The following MYH13 variants were observed in gnomAD, a reference collection of about 807,000 sequenced individuals.
MYH13 encodes myosin heavy chain 13, also known as myosin-13.
A neutral mutation model predicts 232.1 loss-of-function variants in MYH13; 177 were observed. That is an observed-to-expected ratio of 0.76 (90% CI 0.67 to 0.86). The LOEUF (loss-of-function observed/expected upper bound fraction) is 0.86. MYH13 is among the 40% of genes least tolerant of loss of function. The pLI, the probability that MYH13 is intolerant of heterozygous loss-of-function variation, is 0.00. For synonymous variants in MYH13, 884 were observed against 923.5 expected, an observed-to-expected ratio of 0.96 and a Z score of 0.78; for missense variants, 2,246 against 2,405.9, an observed-to-expected ratio of 0.93 and a Z score of 1.39.
intron 13 of MYH13, among the ~76,000 whole-genome samples, chr17:10,346,007 A>C (rs867857951): frequency 7.0e-6 from 1 of 142,346 alleles, no homozygotes; most frequent in Admixed American, 7.1e-5. Context: ...AAAAAAAAAA[A>C]AAAAAACAAA....
chr17:10,300,908 A>G lies in MYH13; in HGVS notation c.*43T>C. 6.3e-7 allele frequency: 1 copy of G among 1,594,564 alleles called. No individual in the cohort carries two copies. The highest frequency in any genetic ancestry group is 8.5e-7 in the Non-Finnish European group (1 of 1,169,790). On this transcript the variant is annotated 3_prime_UTR_variant, in exon 41 of 41. Transcript: ENST00000252172. Reference sequence around the variant, plus strand: ...TTTATTTCTCACACATTTTCCCTCCACTCTCTCGGAGGTGTCCCATGGCAA... The same window carrying G: ...TTTATTTCTCACACATTTTCCCTCCGCTCTCTCGGAGGTGTCCCATGGCAA...
chr17:10,359,202 A>G lies in MYH13; in HGVS notation c.645+758T>C, dbSNP rs180957069. Among the ~76,000 whole-genome samples the G allele has an allele frequency of 9.1e-4, 138 of 152,348 alleles. 1 individual carries two copies. Among genetic ancestry groups the G allele is most frequent in the African/African-American group, 2.9e-3 (120 of 41,588 alleles). ...ATGGGGGCTGGCTGCCAGGGAACCA[A>G]CCGCGTGATTAGAGAGTTGGAACTT... On this transcript the variant is annotated intron_variant, in intron 7 of 40. Coordinates refer to ENST00000252172, the MANE Select transcript of MYH13 (RefSeq NM_003802.3).
chr17:10,325,024 G>C (rs1475178722), intron 22 of MYH13: 1 of 151,542 alleles, frequency 6.6e-6, no homozygotes, highest in Non-Finnish European at 1.5e-5. Flanking sequence ...GGGCCTCCAT[G>C]TGTTTCCCAG....
chr17:10,335,472 GC>G (rs554329967), intron 18 of MYH13, among the ~76,000 whole-genome samples: 117 of 152,298 alleles, frequency 7.7e-4, no homozygotes, highest in Non-Finnish European at 1.4e-3. Flanking sequence ...ATGAGTACAG[GC>G]CCGGTGCGAT....
At position 10,315,577 on chromosome 17, in the gene MYH13, A is replaced by C. The variant is rs1906674614; in HGVS notation, c.3984+116T>G. On this transcript the variant is annotated intron_variant, in intron 29 of 40. Coordinates refer to ENST00000252172, the MANE Select transcript of MYH13 (RefSeq NM_003802.3). ...CCAAAGTGCTGGGATTACAGGTGTG[A>C]GTCACCGTGCCCAGCTGCAGCAGAT... The C allele has an allele frequency of 1.5e-5, 13 of 879,456 alleles. No individual in the cohort carries two copies. In the East Asian group the frequency reaches 3.2e-4, roughly 22 times the overall value. The allele number at this position is 879,456 out of a possible 1,614,324, so 54.5% of individuals were successfully genotyped here.
intron 12 of MYH13, 62 bp from the exon 13 acceptor site, chr17:10,346,860 C>A (rs2071670847): frequency 9.9e-6 from 12 of 1,210,860 alleles, no homozygotes; most frequent in Non-Finnish European, 1.5e-5. Flanking sequence ...GTCCAGTCAG[C>A]CCCTGGCTTC....
chr17:10,320,715 C>T (rs1906910073), intron 24 of MYH13, among the ~76,000 whole-genome samples: 2 of 152,168 alleles, frequency 1.3e-5, no homozygotes, highest in South Asian at 4.1e-4. Flanking sequence ...CCCTCAGGGG[C>T]CTCCTGGTGC....
At chr17:10,324,926 T>C (rs912738905) in intron 22 of MYH13, 2 of 152,506 alleles carry the variant, frequency 1.3e-5, no homozygotes, top group African/African-American at 2.4e-5. Context: ...TGTGCTCAAG[T>C]GATCCTCCCA....
Position 10,307,055 on chromosome 17 carries a change from G to A in MYH13, c.5179C>T (p.Leu1727=), listed in dbSNP as rs973604088. The change falls in exon 36 of 41, where the codon CTG becomes TTG. Residue 1727 remains leucine (L), a synonymous_variant. Transcript: ENST00000252172. The part of the protein sequence containing the change: ...VQLLHSQNTS[L]INTKKKLEAD... The stretch of plus-strand genomic sequence containing the variant: ...TCCAGTTTTTTCTTGGTATTTATCA[G>A]GCTTGTGTTCTACAAGAAGAATTAG... 1.2e-6 allele frequency: 2 copies of A among 1,613,822 alleles called. No individual in the cohort carries two copies. Among genetic ancestry groups the A allele is most frequent in the Admixed American group, 3.3e-5 (2 of 59,992 alleles).
At chr17:10,303,137 C>A (rs1363982511) in intron 39 of MYH13, 59 bp downstream of exon 39, 17 of 1,497,190 alleles carry the variant, frequency 1.1e-5, no homozygotes, top group Non-Finnish European at 1.6e-5. Flanking sequence ...GGCGGGGACA[C>A]CCAGGATGCC....
At chr17:10,327,821 TC>T in intron 22 of MYH13, 44 bp downstream of exon 22, 10 of 1,586,410 alleles carry the variant, frequency 6.3e-6, no homozygotes, top group Non-Finnish European at 8.5e-6. Flanking sequence ...CCCTTTTCTG[TC>T]CTCCAGAGTC....
At chr17:10,340,107 T>C in intron 18 of MYH13, 43 bp downstream of exon 18, 2 of 1,551,660 alleles carry the variant, frequency 1.3e-6, no homozygotes, top group African/African-American at 1.4e-5. Flanking sequence ...TCTCAGGGCG[T>C]CCTGTTCTGT....
chr17:10,317,353 G>C (rs73283687), intron 27 of MYH13: 23,686 of 152,750 alleles, frequency 0.16, 2,053 homozygotes, highest in East Asian at 0.32. Context: ...TCATCAGCCG[G>C]AGCCAGAGGC....
chr17:10,308,128 A>G (rs1023313161), intron 35 of MYH13, among the ~76,000 whole-genome samples: 19 of 152,022 alleles, frequency 1.2e-4, no homozygotes, highest in Non-Finnish European at 2.6e-4. Context: ...AGATCGAGAC[A>G]ATCCTGGCCA....
chr17:10,364,756 T>G (rs1248347390), intron 2 of MYH13, among the ~76,000 whole-genome samples: 1 of 101,050 alleles, frequency 9.9e-6, no homozygotes, highest in Non-Finnish European at 2.5e-5. Context: ...AGTATGAAGG[T>G]TTTTTTTTTT....
chr17:10,307,733 TA>T, intron 35 of MYH13, among the ~76,000 whole-genome samples: 1 of 152,190 alleles, frequency 6.6e-6, no homozygotes, highest in Non-Finnish European at 1.5e-5. Context: ...CCAGTGGAAA[TA>T]AAAATTGGGA....
rs999798065 is a variant in MYH13, at chr17:10,324,243, C to T, written c.2713G>A (p.Ala905Thr). The T allele has an allele frequency of 1.9e-6, 3 of 1,613,652 alleles. No individual in the cohort carries two copies. Among genetic ancestry groups the T allele is most frequent in the Non-Finnish European group, 2.5e-6 (3 of 1,179,842 alleles). Residue 905 changes from alanine to threonine, a missense_variant, in exon 23 of 41, where the codon GCT becomes ACT. By Grantham distance (58) the Ala-to-Thr change is moderately conservative. Coordinates refer to ENST00000252172, the MANE Select transcript of MYH13 (RefSeq NM_003802.3). ...VQSETENLMD[A>T]EERCEGLIKS... ...ATGAGTCCTTCACACCGTTCCTCAG[C>T]GTCCATCAGATTTTCTGTTTCCTGA... is the stretch of plus-strand genomic sequence containing the variant.
intron 23 of MYH13, among the ~76,000 whole-genome samples, chr17:10,322,551 A>G (rs574963523): frequency 1.3e-5 from 2 of 152,250 alleles, no homozygotes; most frequent in African/African-American, 4.8e-5. Flanking sequence ...GCTAACTCCT[A>G]ATCTATGGGC....
At position 10,306,102 on chromosome 17, in the gene MYH13, T is replaced by C. The variant is rs1906271230; in HGVS notation, c.5466+357A>G. 6.6e-6 allele frequency among the ~76,000 whole-genome samples: 1 copy of C among 152,208 alleles called. No individual in the cohort carries two copies. On this transcript the variant is annotated intron_variant, in intron 37 of 40. Coordinates refer to ENST00000252172, the MANE Select transcript of MYH13 (RefSeq NM_003802.3). This position sits in a 1 kb window ranked among gnomAD's most constrained non-coding sequence, Gnocchi z 4.3. ...TGAGTAATTTTATGACTGTAGAGTA[T>C]ATGTTAATAGTTTTTTCCATGTATG...
Sources: allele counts gnomAD v4.1 joint callset (sites outside exome capture counted in the v4.1 genomes callset), GRCh38; gene constraint gnomAD v4.1.1; non-coding constraint Gnocchi (gnomAD v3.1); transcripts MANE v1.5; gene names NCBI Gene and HGNC (gene_info 2026-07-23, HGNC 2026-07-21).